The following FAT4 variants were observed in gnomAD, a reference collection of about 807,000 sequenced individuals.
The protein encoded by FAT4 is FAT atypical cadherin 4.
A neutral mutation model predicts 303.9 loss-of-function variants in FAT4; 84 were observed. That is an observed-to-expected ratio of 0.28 (90% CI 0.23 to 0.33). The LOEUF (loss-of-function observed/expected upper bound fraction) is 0.33. Among genes scored for constraint, FAT4 ranks in the 10% least tolerant of loss-of-function variants. FAT4 has a pLI of 1.00. For missense variants in FAT4, 6,005 were observed against 6,146.8 expected, an observed-to-expected ratio of 0.98 and a Z score of 0.77; for synonymous variants, 2,307 against 2,298.8, an observed-to-expected ratio of 1.00 and a Z score of -0.10.
intron 2 of FAT4, among the ~76,000 whole-genome samples, chr4:125,357,802 C>T (rs1300742401): frequency 6.6e-6 from 1 of 151,512 alleles, no homozygotes; most frequent in South Asian, 2.1e-4. Flanking sequence ...TGTCATTTAC[C>T]GTGGATGCTC....
rs779070546 is a variant in FAT4, at chr4:125,489,967, A to G, written c.13151A>G (p.His4384Arg). 2 of 1,607,284 alleles carry G rather than the reference A, an allele frequency of 1.2e-6. No homozygotes were observed. Among genetic ancestry groups the G allele is most frequent in the Non-Finnish European group, 1.7e-6 (2 of 1,178,346 alleles). The change falls in exon 18 of 18, where the codon CAT (histidine) becomes CGT (arginine). Residue 4384 changes from histidine to arginine, a missense_variant. By Grantham distance (29) the His-to-Arg change is conservative. Transcript: ENST00000394329. ...GAAAGTCTTCCTTTCAGCGGGAAGC[A>G]TAGCTTGGCCTCCATCTCAAAAACA... ...GGESLPFSGK[H>R]SLASISKTDP...
chr4:125,343,956 G>A (rs993366807), intron 2 of FAT4, among the ~76,000 whole-genome samples: 29 of 152,132 alleles, frequency 1.9e-4, no homozygotes, highest in African/African-American at 7.0e-4. Flanking sequence ...TCTAATAGAT[G>A]ATTTGATAAA....
At chr4:125,454,242 A>G (rs371313924) in intron 10 of FAT4, among the ~76,000 whole-genome samples, 3 of 152,326 alleles carry the variant, frequency 2.0e-5, no homozygotes, top group African/African-American at 7.2e-5. Context: ...GTGTATACTG[A>G]TGGTTTTATA....
intron 2 of FAT4, among the ~76,000 whole-genome samples, chr4:125,329,938 A>G (rs1381657237): frequency 6.6e-6 from 1 of 152,176 alleles, no homozygotes; most frequent in African/African-American, 2.4e-5. Context: ...TCATTTCAAT[A>G]TGATCATTTC....
chr4:125,406,538 T>C (rs1438275185), intron 3 of FAT4, among the ~76,000 whole-genome samples: 1 of 152,220 alleles, frequency 6.6e-6, no homozygotes, highest in East Asian at 1.9e-4. Context: ...TAAAAAATGC[T>C]GTTAGGATTT....
chr4:125,436,833 A>G (rs1725470529), intron 8 of FAT4, among the ~76,000 whole-genome samples: 4 of 151,964 alleles, frequency 2.6e-5, no homozygotes, highest in Admixed American at 2.6e-4. Flanking sequence ...CCCTTGACAC[A>G]TGGGGATTAT....
chr4:125,407,451 T>C (rs1030374799), intron 4 of FAT4, among the ~76,000 whole-genome samples: 2 of 142,974 alleles, frequency 1.4e-5, no homozygotes, highest in Admixed American at 7.1e-5. Context: ...TCTAATGTGA[T>C]TTGGGGGCTA....
At chr4:125,401,058 C>CT (rs1197534721) in intron 3 of FAT4, among the ~76,000 whole-genome samples, 2 of 151,842 alleles carry the variant, frequency 1.3e-5, no homozygotes, top group African/African-American at 4.8e-5. Context: ...CTAGGTGCAC[C>CT]TACAACATTA....
At chr4:125,349,850 G>C (rs774836105) in intron 2 of FAT4, among the ~76,000 whole-genome samples, 2 of 151,536 alleles carry the variant, frequency 1.3e-5, no homozygotes, top group Non-Finnish European at 3.0e-5. Flanking sequence ...AATAAAAATT[G>C]ACTAAAATCC....
chr4:125,385,314 C>T (rs1379900103), intron 2 of FAT4, among the ~76,000 whole-genome samples: 2 of 152,022 alleles, frequency 1.3e-5, no homozygotes, highest in Non-Finnish European at 2.9e-5. Context: ...TGAGCCACTG[C>T]GCCCTGCCAA....
intron 2 of FAT4, among the ~76,000 whole-genome samples, chr4:125,357,859 A>G (rs1264424576): frequency 6.6e-6 from 1 of 152,146 alleles, no homozygotes; most frequent in East Asian, 1.9e-4. Flanking sequence ...GACATTGTCA[A>G]TTCCAACAGA....
chr4:125,480,480 CACTA>C (rs1334456725), intron 15 of FAT4, among the ~76,000 whole-genome samples: 1 of 152,134 alleles, frequency 6.6e-6, no homozygotes, highest in Non-Finnish European at 1.5e-5. Context: ...CTGCACATCT[CACTA>C]ACTAACCCTA....
At chr4:125,467,750 T>TA (rs1259645867) in intron 11 of FAT4, among the ~76,000 whole-genome samples, 1 of 151,962 alleles carries the variant, frequency 6.6e-6, no homozygotes, top group Non-Finnish European at 1.5e-5. Flanking sequence ...GTACTGATTT[T>TA]AAAAAAATCA....
At position 125,492,011 on chromosome 4, in the gene FAT4, T is replaced by A; in HGVS notation, c.*243T>A. On this transcript the variant is annotated 3_prime_UTR_variant, in exon 18 of 18. Coordinates refer to ENST00000394329, the MANE Select transcript of FAT4 (RefSeq NM_001291303.3). ...GTGTTTTGTAACTAGTTATGTGGCA[T>A]GCAGCATTTGGAAAATTTTTCTTAT... The A allele has an allele frequency of 2.2e-6, 1 of 447,050 alleles. No homozygotes were observed. Among genetic ancestry groups the A allele is most frequent in the Non-Finnish European group, 3.9e-6 (1 of 257,218 alleles). The allele number at this position is 447,050 out of a possible 1,614,324, so 27.7% of individuals were successfully genotyped here. A position where few individuals can be genotyped will look rare whatever the true frequency, so the allele number is the denominator to read the frequency against.
Position 125,425,853 on chromosome 4 carries a change from T to A in FAT4, c.7019-8392T>A, listed in dbSNP as rs536543020. On this transcript the variant is annotated intron_variant, in intron 7 of 17. Transcript: ENST00000394329. ...GGCACAAAAGTTTAGTTATAAAGTA[T>A]TTGTGTGTCAGCATAAATAGTAGGT... Among the ~76,000 whole-genome samples the A allele has an allele frequency of 2.6e-5, 4 of 152,230 alleles. No homozygotes were observed. The East Asian group carries it at 7.7e-4, about 29-fold the overall frequency.
chr4:125,485,473 T>C (rs1727376358), intron 16 of FAT4, among the ~76,000 whole-genome samples: 1 of 152,154 alleles, frequency 6.6e-6, no homozygotes, highest in African/African-American at 2.4e-5. Context: ...AAAAAACACA[T>C]TAGCCTCAGC....
chr4:125,407,980 A>G (rs1734686436), intron 4 of FAT4, among the ~76,000 whole-genome samples: 1 of 152,136 alleles, frequency 6.6e-6, no homozygotes, highest in Admixed American at 6.5e-5. Context: ...TATCTTGTGC[A>G]AGTCCTTTAT....
rs913207923 is a variant in FAT4 at position 125,335,575 on chromosome 4, G to A, written c.5175+13989G>A. ...ATAATACACGGAGGAAACATTTGAA[G>A]AAATAAAACTATAATTTACATATTT... is the stretch of plus-strand genomic sequence containing the variant. On this transcript the variant is annotated intron_variant, in intron 2 of 17. Transcript: ENST00000394329. 2.6e-5 allele frequency among the ~76,000 whole-genome samples: 4 copies of A among 151,762 alleles called. No homozygotes were observed. In the East Asian group the frequency reaches 5.8e-4, roughly 22 times the overall value.
At chr4:125,338,048 T>C (rs1402557137) in intron 2 of FAT4, among the ~76,000 whole-genome samples, 1 of 152,196 alleles carries the variant, frequency 6.6e-6, no homozygotes, top group African/African-American at 2.4e-5. Flanking sequence ...GGTTTTGTCA[T>C]TCATCAGACA....
Sources: allele counts gnomAD v4.1 joint callset (sites outside exome capture counted in the v4.1 genomes callset), GRCh38; gene constraint gnomAD v4.1.1; transcripts MANE v1.5; gene names NCBI Gene and HGNC (gene_info 2026-07-23, HGNC 2026-07-21).